The following CCDC57 variants were observed in gnomAD, a reference collection of about 807,000 sequenced individuals.
The protein encoded by CCDC57 is coiled-coil domain containing 57.
Under a neutral mutation model 118.9 loss-of-function variants are expected in CCDC57, and 118 were observed. That is an observed-to-expected ratio of 0.99 (90% confidence interval 0.86 to 1.16). The LOEUF (loss-of-function observed/expected upper bound fraction) is 1.16, where lower values mean the gene tolerates loss of function less well. Among genes scored for constraint, CCDC57 ranks in the 50% most tolerant of loss-of-function variants. The pLI is 0.00. For missense variants in CCDC57, 1,300 were observed against 1,320.7 expected, an observed-to-expected ratio of 0.98 and a Z score of 0.24; for synonymous variants, 527 against 532.9, an observed-to-expected ratio of 0.99 and a Z score of 0.15.
Position 82,198,134 on chromosome 17 carries a change from C to T in CCDC57, c.516+180G>A, listed in dbSNP as rs114143711. ...TGGAGGTGGCTGCATGTAGACATCC[C>T]ATCCTGTTTCCCTGCAGACCATCCC... is the stretch of plus-strand genomic sequence containing the variant. On this transcript the variant is annotated intron_variant, in intron 4 of 19. Coordinates refer to ENST00000665763, the Ensembl canonical transcript of CCDC57. 1.9e-3 allele frequency among the ~76,000 whole-genome samples: 283 copies of T among 152,300 alleles called. 1 individual carries two copies. Among genetic ancestry groups the T allele is most frequent in the African/African-American group, 6.5e-3 (271 of 41,560 alleles).
intron 19 of CCDC57, among the ~76,000 whole-genome samples, chr17:82,107,125 TG>T (rs1433919749): frequency 6.6e-6 from 1 of 152,210 alleles, no homozygotes; most frequent in Non-Finnish European, 1.5e-5. Flanking sequence ...ACTTATCAGC[TG>T]CCCGACCTGC....
intron 9 of CCDC57, among the ~76,000 whole-genome samples, chr17:82,181,731 T>C (rs2046231574): frequency 6.6e-6 from 1 of 152,138 alleles, no homozygotes; most frequent in Admixed American, 6.6e-5. Flanking sequence ...AGGAGAGAAA[T>C]TAAATGTATA....
chr17:82,175,113 C>T (rs1478080219), intron 11 of CCDC57, among the ~76,000 whole-genome samples: 1 of 152,182 alleles, frequency 6.6e-6, no homozygotes, highest in Non-Finnish European at 1.5e-5. Context: ...AACATGCAGC[C>T]ATTTAGATTC....
intron 17 of CCDC57, among the ~76,000 whole-genome samples, chr17:82,131,529 C>G (rs1197663719): frequency 1.3e-5 from 2 of 151,848 alleles, no homozygotes; most frequent in Non-Finnish European, 2.9e-5. Context: ...TTGCTTCAGT[C>G]CAGGAGTTTG....
chr17:82,174,718 C>T (rs1439812818), intron 11 of CCDC57, among the ~76,000 whole-genome samples: 1 of 152,220 alleles, frequency 6.6e-6, no homozygotes, highest in African/African-American at 2.4e-5. Flanking sequence ...GATTTAGAGC[C>T]CTGCACCTGG....
At chr17:82,113,223 C>T (rs1425159609) in intron 19 of CCDC57, 3 of 602,620 alleles carry the variant, frequency 5.0e-6, no homozygotes, top group African/African-American at 1.9e-5. Flanking sequence ...TCAGTGAAGG[C>T]GGGGGGCTGG....
chr17:82,178,585 C>T (rs2045815160), exon 11 of CCDC57: 2 of 1,612,828 alleles, frequency 1.2e-6, no homozygotes, highest in African/African-American at 1.3e-5. Context: ...CCTGCTCTGT[C>T]TCCTGCAGCT....
At chr17:82,134,094 C>G in exon 17 of CCDC57, 1 of 1,419,902 alleles carries the variant, frequency 7.0e-7, no homozygotes, top group Non-Finnish European at 9.2e-7. Flanking sequence ...AATGGGGCTG[C>G]ACCTGTCCCA....
At chr17:82,163,964 C>T (rs2043659424) in intron 13 of CCDC57, among the ~76,000 whole-genome samples, 1 of 152,150 alleles carries the variant, frequency 6.6e-6, no homozygotes, top group Non-Finnish European at 1.5e-5. Flanking sequence ...CCCTCGATCC[C>T]AGGAATTCAA....
At chr17:82,102,943 G>T (rs558675570) in intron 19 of CCDC57, among the ~76,000 whole-genome samples, 2 of 152,074 alleles carry the variant, frequency 1.3e-5, no homozygotes, top group Admixed American at 6.5e-5. Context: ...CGTCCACTGC[G>T]TGGCCACACT....
At chr17:82,166,346 CAAAA>C (rs11077980) in intron 13 of CCDC57, among the ~76,000 whole-genome samples, 1 of 126,388 alleles carries the variant, frequency 7.9e-6, no homozygotes, top group Non-Finnish European at 1.7e-5. Flanking sequence ...CCCATCTCTA[CAAAA>C]AAAAAAAAAA....
At chr17:82,163,199 CCTT>C (rs756771936) in exon 14 of CCDC57, 1 of 1,613,558 alleles carries the variant, frequency 6.2e-7, no homozygotes. Context: ...GACTGCCTCA[CCTT>C]CTGTCTGAGT....
chr17:82,111,461 T>C (rs1478759990), intron 19 of CCDC57, among the ~76,000 whole-genome samples: 1 of 147,622 alleles, frequency 6.8e-6, no homozygotes, highest in African/African-American at 2.5e-5. Context: ...TCACTGCAGC[T>C]TCAACCTCCC....
At chr17:82,149,547 G>C (rs1030010949) in intron 16 of CCDC57, among the ~76,000 whole-genome samples, 3 of 152,082 alleles carry the variant, frequency 2.0e-5, no homozygotes, top group African/African-American at 7.3e-5. Flanking sequence ...GCTAACCTGC[G>C]GTGTTGTTCT....
At position 82,202,024 on chromosome 17, in the gene CCDC57, C is replaced by T. The variant is rs2049054107; in HGVS notation, c.-8-72G>A. On this transcript the variant is annotated intron_variant, in intron 2 of 19. Coordinates refer to ENST00000665763, the Ensembl canonical transcript of CCDC57. ...AATTTTCCTACCACAGTACCTACCT[C>T]ACATTCCCTATCAACAGTTACCACG... The T allele has an allele frequency of 2.2e-6, 3 of 1,388,444 alleles. No homozygotes were observed. The Admixed American group carries it at 7.8e-5, about 36-fold the overall frequency. 86.0% of individuals were successfully genotyped at this position (1,388,444 alleles called of 1,614,324 possible).
chr17:82,132,879 C>G (rs918939388), intron 17 of CCDC57, among the ~76,000 whole-genome samples: 1 of 151,476 alleles, frequency 6.6e-6, no homozygotes, highest in African/African-American at 2.4e-5. Flanking sequence ...CCTGCCTCAG[C>G]CTCCCCAGCA....
chr17:82,189,726 C>CG (rs2047415897), intron 7 of CCDC57, among the ~76,000 whole-genome samples: 1 of 151,786 alleles, frequency 6.6e-6, no homozygotes, highest in African/African-American at 2.4e-5. Flanking sequence ...GGTAGCACAT[C>CG]CCTGTGATCC....
At chr17:82,193,660 C>T in intron 7 of CCDC57, 96 bp downstream of exon 6, 2 of 1,073,402 alleles carry the variant, frequency 1.9e-6, no homozygotes, top group Non-Finnish European at 1.4e-6. Flanking sequence ...TGGAGTGGGA[C>T]CCTCTGCTCC....
intron 13 of CCDC57, among the ~76,000 whole-genome samples, chr17:82,166,653 A>G (rs1000781644): frequency 2.0e-5 from 3 of 152,138 alleles, no homozygotes; most frequent in African/African-American, 7.2e-5. Context: ...CATGCCTGTA[A>G]TCCAAACACT....
Sources: gnomAD v4.1 joint callset for allele counts (sites outside exome capture counted in the v4.1 genomes callset) on GRCh38, gnomAD v4.1.1 for gene constraint, MANE v1.5 for transcripts, NCBI Gene and HGNC (gene_info 2026-07-23, HGNC 2026-07-21) for gene names.